The following NPAS2 variants were observed in gnomAD, a reference collection of about 807,000 sequenced individuals.
The protein encoded by NPAS2 is neuronal PAS domain-containing protein 2.
Under a neutral mutation model 107.5 loss-of-function variants are expected in NPAS2, and 23 were observed. That is an observed-to-expected ratio of 0.21 (90% CI 0.15 to 0.30). The LOEUF (loss-of-function observed/expected upper bound fraction) is 0.30. Ranked by LOEUF, NPAS2 falls within the 10% of genes least tolerant of loss-of-function variation. The probability of loss-of-function intolerance (pLI) is 1.00; values close to 1 mark genes in which losing one functional copy is unlikely to be tolerated. For synonymous variants in NPAS2, 403 were observed against 417.5 expected (o/e 0.97, Z 0.42); for missense variants, 756 against 1,043.3 (o/e 0.72, Z 3.79).
intron 12 of NPAS2, among the ~76,000 whole-genome samples, chr2:100,974,161 C>T (rs1372473627): frequency 6.6e-6 from 1 of 152,206 alleles, no homozygotes; most frequent in Non-Finnish European, 1.5e-5. Context: ...CCCCTGTTTT[C>T]ATGTGCCTAT....
At chr2:100,923,946 A>G (rs1352793958) in intron 2 of NPAS2, among the ~76,000 whole-genome samples, 1 of 151,704 alleles carries the variant, frequency 6.6e-6, no homozygotes, top group Non-Finnish European at 1.5e-5. Context: ...ACGATTCCCT[A>G]CTCAAGTTCC....
intron 3 of NPAS2, 74 bp downstream of exon 3, chr2:100,925,368 C>A: frequency 6.5e-7 from 1 of 1,531,576 alleles, no homozygotes. Flanking sequence ...CCAATCTGGG[C>A]TGCCTGGTTG....
chr2:100,868,427 A>C (rs1286792593), intron 1 of NPAS2, among the ~76,000 whole-genome samples: 1 of 152,140 alleles, frequency 6.6e-6, no homozygotes, highest in Non-Finnish European at 1.5e-5. Context: ...GATTCCCTTG[A>C]CTTTGGTAAT....
intron 7 of NPAS2, among the ~76,000 whole-genome samples, chr2:100,959,266 C>T (rs1434438761): frequency 5.1e-5 from 6 of 116,660 alleles, no homozygotes; most frequent in Non-Finnish European, 1.1e-4. Flanking sequence ...GAGACCCTGT[C>T]TCAAAAAAAA....
At chr2:100,944,436 G>GC (rs1674764666) in intron 5 of NPAS2, among the ~76,000 whole-genome samples, 1 of 152,138 alleles carries the variant, frequency 6.6e-6, no homozygotes, top group Admixed American at 6.6e-5. Flanking sequence ...AGAGAGGACT[G>GC]CCCACCTCCA....
chr2:100,819,507 T>C (rs377375745), upstream of NPAS2, among the ~76,000 whole-genome samples: 12 of 151,248 alleles, frequency 7.9e-5, no homozygotes, highest in East Asian at 2.0e-3. This position sits in a 1 kb window ranked among gnomAD's most constrained non-coding sequence, Gnocchi z 5.8. Flanking sequence ...CCGCCGCTCA[T>C]TGAGAAATCG....
chr2:100,829,767 C>T (rs1021350131), intron 1 of NPAS2, among the ~76,000 whole-genome samples: 3 of 152,124 alleles, frequency 2.0e-5, no homozygotes, highest in African/African-American at 7.2e-5. Context: ...AAAACATTTT[C>T]AATTCTGCTA....
chr2:100,937,959 C>T (rs1351850318), intron 5 of NPAS2, 117 bp downstream of exon 5: 18 of 862,572 alleles, frequency 2.1e-5, no homozygotes, highest in Non-Finnish European at 3.1e-5. Context: ...GAGAAGAGGG[C>T]GGAGAGTAAA....
rs1257838659 is a variant in NPAS2 at position 100,976,252 on chromosome 2, AGCAGCC to A, written c.1392+687_1392+692del. ...AGATGGTGTCTGCACATGAATGTCCAGCAGCCGGGCTGGGTGGCTGAGGGCTGGGCT... is the reference window on the plus strand; with the variant it reads ...AGATGGTGTCTGCACATGAATGTCCAGGGCTGGGTGGCTGAGGGCTGGGCT... On this transcript the variant is annotated intron_variant, in intron 14 of 20. Coordinates refer to ENST00000335681, the MANE Select transcript of NPAS2 (RefSeq NM_002518.4). This position sits in a 1 kb window ranked among gnomAD's most constrained non-coding sequence, Gnocchi z 4.1. Among the ~76,000 whole-genome samples, 1 of 152,066 alleles carries A rather than the reference AGCAGCC, an allele frequency of 6.6e-6. No homozygotes were observed. Among genetic ancestry groups the A allele is most frequent in the African/African-American group, 2.4e-5 (1 of 41,400 alleles).
chr2:100,945,510 A>G lies in NPAS2; in HGVS notation c.364-2725A>G, dbSNP rs148462019. On this transcript the variant is annotated intron_variant, in intron 5 of 20. Coordinates refer to ENST00000335681, the MANE Select transcript of NPAS2 (RefSeq NM_002518.4). ...TCTCTCCTTCCAGACTACAAGCAGG[A>G]TCTCTTTAAAATGCACGAGCAGTTC... is the stretch of plus-strand genomic sequence containing the variant. 2.0e-3 allele frequency among the ~76,000 whole-genome samples: 309 copies of G among 152,216 alleles called. 3 individuals are homozygous for G. The highest frequency in any genetic ancestry group is 7.2e-3 in the African/African-American group (299 of 41,532).
intron 1 of NPAS2, among the ~76,000 whole-genome samples, chr2:100,889,627 G>GT (rs1680926311): frequency 6.6e-6 from 1 of 152,276 alleles, no homozygotes; most frequent in Admixed American, 6.5e-5. Flanking sequence ...CATGTCTAGG[G>GT]TTGGTTCACT....
intron 5 of NPAS2, among the ~76,000 whole-genome samples, chr2:100,938,622 C>G (rs73967997): frequency 0.24 from 34,145 of 141,126 alleles, 4,690 homozygotes; most frequent in Admixed American, 0.4. Context: ...CTTGCTGGCT[C>G]TCTGGTAACC....
At chr2:100,964,781 C>A in intron 8 of NPAS2, 80 bp from the exon 9 acceptor site, 2 of 795,340 alleles carry the variant, frequency 2.5e-6, no homozygotes, top group South Asian at 1.6e-5. Flanking sequence ...CTGTTACCCA[C>A]CACGCGTTCC....
At chr2:100,890,518 C>A (rs1352608818) in intron 1 of NPAS2, among the ~76,000 whole-genome samples, 2 of 152,076 alleles carry the variant, frequency 1.3e-5, no homozygotes, top group Admixed American at 1.3e-4. Context: ...TCCCTGTACC[C>A]TCAGGTCATC....
At chr2:100,986,416 C>T (rs1677783370) in intron 16 of NPAS2, 2 of 152,224 alleles carry the variant, frequency 1.3e-5, no homozygotes, top group Non-Finnish European at 2.9e-5. Flanking sequence ...AGATGTCAGC[C>T]TGTCGGTCCT....
At chr2:100,952,851 GGT>G (rs1558905385) in intron 7 of NPAS2, among the ~76,000 whole-genome samples, 7 of 132,306 alleles carry the variant, frequency 5.3e-5, no homozygotes, top group African/African-American at 2.5e-4. Flanking sequence ...TTATGTGTGA[GGT>G]TTTTTTTTTT....
rs144138876 is a variant in NPAS2, at chr2:100,852,825, C to T, written c.-23+32411C>T. Among the ~76,000 whole-genome samples the T allele has an allele frequency of 7.2e-5, 11 of 152,198 alleles. No individual in the cohort carries two copies. In the East Asian group the frequency reaches 2.1e-3, roughly 29 times the overall value. On this transcript the variant is annotated intron_variant, in intron 1 of 20. Transcript: ENST00000335681. ...CTGCCCCCTGCACAGGCACCAGACT[C>T]GGTAGGTTAGCACTAGTTCCTGCAG...
chr2:100,871,120 C>T (rs1679554095), intron 1 of NPAS2, among the ~76,000 whole-genome samples: 1 of 152,202 alleles, frequency 6.6e-6, no homozygotes, highest in African/African-American at 2.4e-5. Context: ...CTGTGGGCCA[C>T]ATCTCACCCA....
intron 1 of NPAS2, among the ~76,000 whole-genome samples, chr2:100,902,624 G>A (rs912828409): frequency 2.0e-5 from 3 of 152,220 alleles, no homozygotes; most frequent in Admixed American, 1.3e-4. Context: ...GATCTGGAAT[G>A]GATGGTGGTG....
Sources: gnomAD v4.1 joint callset for allele counts (sites outside exome capture counted in the v4.1 genomes callset) on GRCh38, gnomAD v4.1.1 for gene constraint, Gnocchi (gnomAD v3.1) non-coding constraint, MANE v1.5 for transcripts, NCBI Gene and HGNC (gene_info 2026-07-23, HGNC 2026-07-21) for gene names.